Variants in CLEC16A observed in about 807,000 individuals in gnomAD.
The protein encoded by CLEC16A is C-type lectin domain containing 16A, also known as protein CLEC16A.
In CLEC16A, 51 loss-of-function variants were observed where a neutral mutation model predicts 109.5. The ratio of observed to expected loss-of-function variants is 0.47; its 90% CI spans 0.37 to 0.59. The LOEUF (loss-of-function observed/expected upper bound fraction) is 0.59. CLEC16A is among the 20% of genes least tolerant of loss of function. The pLI is 0.00. For missense variants in CLEC16A, 1,339 were observed against 1,394.0 expected, an observed-to-expected ratio of 0.96 and a Z score of 0.63; for synonymous variants, 673 against 564.2, an observed-to-expected ratio of 1.19 and a Z score of -2.73.
intron 2 of CLEC16A, 40 bp from the exon 3 acceptor site, chr16:10,962,415 G>A (rs2042293881): frequency 6.2e-7 from 1 of 1,613,002 alleles, no homozygotes; most frequent in East Asian, 2.2e-5. Context: ...GTTTCCACAT[G>A]TGGAAGCAAG....
At chr16:11,140,495 C>T (rs550520096) in intron 22 of CLEC16A, among the ~76,000 whole-genome samples, 3 of 152,342 alleles carry the variant, frequency 2.0e-5, no homozygotes, top group Non-Finnish European at 2.9e-5. Context: ...GCACAGTGGT[C>T]TAGCATCTCA....
chr16:11,022,547 A>C (rs930317585), intron 12 of CLEC16A, among the ~76,000 whole-genome samples: 1 of 151,782 alleles, frequency 6.6e-6, no homozygotes, highest in African/African-American at 2.4e-5. Flanking sequence ...CAAGGTAAAA[A>C]ACAGACTGTT....
intron 10 of CLEC16A, among the ~76,000 whole-genome samples, chr16:10,984,940 C>T (rs1024033943): frequency 6.6e-6 from 1 of 151,942 alleles, no homozygotes; most frequent in East Asian, 1.9e-4. Flanking sequence ...GGTGGCTCAC[C>T]CCTGTAATCC....
intron 18 of CLEC16A, among the ~76,000 whole-genome samples, chr16:11,057,196 G>T (rs934692087): frequency 1.3e-5 from 2 of 152,010 alleles, no homozygotes; most frequent in Admixed American, 6.6e-5. Flanking sequence ...AAACTGCTTC[G>T]GCCCTCTTTT....
chr16:11,141,347 G>A (rs78113431), intron 22 of CLEC16A, among the ~76,000 whole-genome samples: 11,236 of 152,292 alleles, frequency 0.074, 494 homozygotes, highest in East Asian at 0.11. Context: ...CTAGGCCCCC[G>A]TGCAGAGGAC....
Position 11,178,838 on chromosome 16 carries a change from G to C in CLEC16A, c.*148G>C. Reference sequence around the variant, plus strand: ...ACCTATCCCTGCGCTCCCTTGAATGGGAAGAAGCCCCACGTTGTCCTTGAA... The same window carrying C: ...ACCTATCCCTGCGCTCCCTTGAATGCGAAGAAGCCCCACGTTGTCCTTGAA... On this transcript the variant is annotated 3_prime_UTR_variant, in exon 24 of 24. Coordinates refer to ENST00000409790, the MANE Select transcript of CLEC16A (RefSeq NM_015226.3). This position sits in a 1 kb window ranked among gnomAD's most constrained non-coding sequence, Gnocchi z 6.5. The C allele has an allele frequency of 1.7e-6, 1 of 592,870 alleles. No individual in the cohort carries two copies. The highest frequency in any genetic ancestry group is 2.9e-6 in the Non-Finnish European group (1 of 347,528). 36.7% of individuals were successfully genotyped at this position (592,870 alleles called of 1,614,324 possible). A position where few individuals can be genotyped will look rare whatever the true frequency, so the allele number is the denominator to read the frequency against.
intron 1 of CLEC16A, among the ~76,000 whole-genome samples, chr16:10,951,923 C>G (rs2041754286): frequency 6.6e-6 from 1 of 152,180 alleles, no homozygotes; most frequent in South Asian, 2.1e-4. Context: ...CTTTCAGTGT[C>G]ATACTGTGTA....
At chr16:10,970,843 C>G (rs559182675) in intron 4 of CLEC16A, among the ~76,000 whole-genome samples, 1 of 152,330 alleles carries the variant, frequency 6.6e-6, no homozygotes, top group South Asian at 2.1e-4. Flanking sequence ...AACTCCTGGG[C>G]TCAAGCCAAC....
At chr16:11,099,728 A>G (rs2050802418) in intron 19 of CLEC16A, among the ~76,000 whole-genome samples, 1 of 152,134 alleles carries the variant, frequency 6.6e-6, no homozygotes, top group Admixed American at 6.6e-5. Flanking sequence ...TTGTGTGGCT[A>G]CCTCCTCACC....
chr16:10,993,329 T>A (rs911305026), intron 10 of CLEC16A, among the ~76,000 whole-genome samples: 3 of 152,050 alleles, frequency 2.0e-5, no homozygotes, highest in South Asian at 4.2e-4. Context: ...CAGTGAGCCA[T>A]GATCACACCA....
chr16:11,048,726 C>T (rs928508908), intron 17 of CLEC16A, among the ~76,000 whole-genome samples: 1 of 152,198 alleles, frequency 6.6e-6, no homozygotes, highest in Admixed American at 6.5e-5. Flanking sequence ...TGCTCATCTA[C>T]AGCCCCTCAT....
chr16:11,155,357 G>A (rs992949172), intron 22 of CLEC16A, among the ~76,000 whole-genome samples: 65 of 152,306 alleles, frequency 4.3e-4, no homozygotes, highest in Non-Finnish European at 6.9e-4. Context: ...GCTGTCACAT[G>A]CCCAGAGCCA....
chr16:11,098,933 C>G (rs1215287658), intron 19 of CLEC16A, among the ~76,000 whole-genome samples: 1 of 152,224 alleles, frequency 6.6e-6, no homozygotes, highest in Non-Finnish European at 1.5e-5. Flanking sequence ...GCAGGTGACC[C>G]ATGAGGAATC....
chr16:11,016,389 C>T (rs187081824), intron 11 of CLEC16A, among the ~76,000 whole-genome samples: 9 of 151,168 alleles, frequency 6.0e-5, no homozygotes, highest in African/African-American at 2.2e-4. Flanking sequence ...CACTCTGTCA[C>T]CCAGGCTGGA....
At chr16:11,157,035 G>C in intron 22 of CLEC16A, 1 of 1,294,316 alleles carries the variant, frequency 7.7e-7, no homozygotes, top group Non-Finnish European at 1.0e-6. Context: ...AGGACACAGA[G>C]AGAAAGCAAG....
intron 22 of CLEC16A, among the ~76,000 whole-genome samples, chr16:11,133,441 C>G (rs1025596982): frequency 2.6e-5 from 4 of 152,072 alleles, no homozygotes; most frequent in Admixed American, 6.5e-5. Flanking sequence ...CCGGCAGGGT[C>G]AGTCACGTGA....
chr16:11,157,191 G>GT, intron 22 of CLEC16A: 1 of 1,255,040 alleles, frequency 8.0e-7, no homozygotes, highest in Admixed American at 3.1e-5. Flanking sequence ...GTTATCCGTT[G>GT]AAAAGCAATC....
intron 3 of CLEC16A, among the ~76,000 whole-genome samples, chr16:10,963,359 G>A (rs184500257): frequency 1.1e-4 from 17 of 152,336 alleles, no homozygotes; most frequent in African/African-American, 3.6e-4. Context: ...GAACCTGAGG[G>A]AGACATAGTT....
intron 10 of CLEC16A, among the ~76,000 whole-genome samples, chr16:10,996,169 A>G (rs914375169): frequency 1.3e-5 from 2 of 152,140 alleles, no homozygotes; most frequent in African/African-American, 2.4e-5. Context: ...AACCCACTCA[A>G]CACGTTGCAT....
Sources: gnomAD v4.1 joint callset for allele counts (sites outside exome capture counted in the v4.1 genomes callset) on GRCh38, gnomAD v4.1.1 for gene constraint, Gnocchi (gnomAD v3.1) non-coding constraint, MANE v1.5 for transcripts, NCBI Gene and HGNC (gene_info 2026-07-23, HGNC 2026-07-21) for gene names.